FREM1: variants seen among roughly 807,000 people sequenced by gnomAD.
FREM1 encodes the protein FRAS1-related extracellular matrix protein 1.
Under a neutral mutation model 210.1 loss-of-function variants are expected in FREM1, and 220 were observed. The observed-to-expected ratio is 1.05, with a 90% CI of 0.94 to 1.17. The LOEUF (loss-of-function observed/expected upper bound fraction) is 1.17, where lower values mean the gene tolerates loss of function less well. Ranked by LOEUF, FREM1 falls within the 50% of genes most tolerant of loss-of-function variation. The pLI is 0.00. For missense variants in FREM1, 3,454 were observed against 2,675.5 expected (o/e 1.29, Z -6.42); for synonymous variants, 1,189 against 980.2 (o/e 1.21, Z -3.98).
At chr9:14,762,121 C>A (rs1845605143) in intron 27 of FREM1, among the ~76,000 whole-genome samples, 2 of 151,478 alleles carry the variant, frequency 1.3e-5, no homozygotes, top group South Asian at 4.2e-4. Context: ...AGATAACAAA[C>A]AACAAGGATA....
rs201154402 is a variant in FREM1, at chr9:14,846,032, C to T, written c.1321G>A (p.Asp441Asn). Residue 441 changes from aspartate to asparagine, a missense_variant, in exon 8 of 37, where the codon GAC (aspartate) becomes AAC (asparagine). Coordinates refer to ENST00000380880, the MANE Select transcript of FREM1 (RefSeq NM_001379081.2). ...CGGACAGCACCAATGTCGTCATTGT[C>T]GACAACCTGAAACTGTTCCCAAGTG... ...AITWEQFQVV[D>N]NDDIGAVRLV... 58 of 1,610,242 alleles carry T rather than the reference C, an allele frequency of 3.6e-5. No homozygotes were observed. Among genetic ancestry groups the T allele is most frequent in the Non-Finnish European group, 4.1e-5 (48 of 1,178,110 alleles).
chr9:14,760,446 C>G (rs778596354), intron 27 of FREM1, among the ~76,000 whole-genome samples: 12 of 152,234 alleles, frequency 7.9e-5, no homozygotes, highest in Admixed American at 1.3e-4. Context: ...TTATTTGTTT[C>G]TCTTTCTGTG....
Position 14,824,858 on chromosome 9 carries a change from T to C in FREM1, c.2016A>G (p.Glu672=), listed in dbSNP as rs766939693. The C allele has an allele frequency of 8.7e-6, 14 of 1,613,640 alleles. No individual in the cohort carries two copies. Among genetic ancestry groups the C allele is most frequent in the Non-Finnish European group, 8.5e-7 (1 of 1,179,700 alleles). Reference sequence around the variant, plus strand: ...TGTAGACCAGCTCCCTGTCATATGATTCTGAATCTATAAAATGTAGCTGTT... The same window carrying C: ...TGTAGACCAGCTCCCTGTCATATGACTCTGAATCTATAAAATGTAGCTGTT... ...TKKQLHFIDS[E]SYDRELVYTI... Residue 672 remains glutamate, a synonymous_variant, in exon 11 of 37, where the codon GAA becomes GAG. Coordinates refer to ENST00000380880, the MANE Select transcript of FREM1 (RefSeq NM_001379081.2).
intron 22 of FREM1, among the ~76,000 whole-genome samples, chr9:14,789,429 G>T (rs1723765810): frequency 6.6e-6 from 1 of 152,176 alleles, no homozygotes; most frequent in Non-Finnish European, 1.5e-5. Flanking sequence ...TTAATAAGAG[G>T]AGGTGGGTAA....
In FREM1 at chr9:14,808,066, G is replaced by A. The variant is rs751622552; in HGVS notation, c.2962C>T (p.Pro988Ser). The A allele has an allele frequency of 1.9e-6, 3 of 1,613,480 alleles. No individual in the cohort carries two copies. Among genetic ancestry groups the A allele is most frequent in the South Asian group, 1.1e-5 (1 of 90,982 alleles). ...TLVVSDGEAG[P>S]FVNGCCYNGP... ...TTGTAGCAACAGCCATTCACAAAAG[G>A]GCCAGCCTCTCCATCCGAAACCACC... Residue 988 changes from proline (P) to serine (S), a missense_variant, in exon 17 of 37, where the codon CCT (proline) becomes TCT (serine). Coordinates refer to ENST00000380880, the MANE Select transcript of FREM1 (RefSeq NM_001379081.2).
At chr9:14,810,721 A>C (rs545180174) in intron 16 of FREM1, among the ~76,000 whole-genome samples, 9 of 152,336 alleles carry the variant, frequency 5.9e-5, no homozygotes, top group African/African-American at 1.9e-4. Context: ...TTCAGGTGAT[A>C]ATCTAAATGA....
At chr9:14,743,966 AC>A (rs1322567743) in intron 35 of FREM1, among the ~76,000 whole-genome samples, 3 of 152,192 alleles carry the variant, frequency 2.0e-5, no homozygotes, top group Non-Finnish European at 4.4e-5. Flanking sequence ...TGTCATTTTA[AC>A]AGCTTAACCA....
intron 1 of FREM1, among the ~76,000 whole-genome samples, chr9:14,882,367 A>G (rs1300858612): frequency 6.6e-6 from 1 of 152,084 alleles, no homozygotes; most frequent in Non-Finnish European, 1.5e-5. Flanking sequence ...ATCTATTCTT[A>G]TGGCTCCCTG....
At chr9:14,766,702 C>G (rs148927534) in intron 27 of FREM1, among the ~76,000 whole-genome samples, 2 of 152,200 alleles carry the variant, frequency 1.3e-5, no homozygotes, top group Non-Finnish European at 2.9e-5. Flanking sequence ...AGGTCCATTT[C>G]TGTTCCAGAT....
chr9:14,880,398 G>A (rs1834573226), intron 1 of FREM1, among the ~76,000 whole-genome samples: 1 of 152,118 alleles, frequency 6.6e-6, no homozygotes, highest in Non-Finnish European at 1.5e-5. Flanking sequence ...GAAGTCAGGA[G>A]TTCGAGACCA....
chr9:14,896,037 AG>A (rs1837654488), intron 1 of FREM1, among the ~76,000 whole-genome samples: 1 of 152,178 alleles, frequency 6.6e-6, no homozygotes, highest in South Asian at 2.1e-4. Context: ...TCTTACTCAT[AG>A]GATGAGAGAG....
intron 10 of FREM1, among the ~76,000 whole-genome samples, chr9:14,835,708 G>A (rs550463861): frequency 2.6e-5 from 4 of 152,290 alleles, no homozygotes; most frequent in South Asian, 4.1e-4. Flanking sequence ...GTGAAACAGC[G>A]TTTCATCAAA....
chr9:14,813,136 G>A, intron 15 of FREM1, 72 bp from the exon 16 acceptor site: 1 of 1,444,536 alleles, frequency 6.9e-7, no homozygotes, highest in Non-Finnish European at 9.4e-7. Context: ...GTAATCCATT[G>A]CTCATAGTCA....
chr9:14,868,654 C>T, intron 2 of FREM1, 90 bp downstream of exon 2: 2 of 828,926 alleles, frequency 2.4e-6, no homozygotes, highest in Non-Finnish European at 2.0e-6. Context: ...TGAGGGGAGA[C>T]ATTTTACATC....
intron 10 of FREM1, among the ~76,000 whole-genome samples, chr9:14,830,216 G>C (rs1480186665): frequency 6.6e-6 from 1 of 152,208 alleles, no homozygotes; most frequent in Non-Finnish European, 1.5e-5. Context: ...AAGAAAGTCA[G>C]ATACCAGCTG....
intron 13 of FREM1, among the ~76,000 whole-genome samples, chr9:14,821,848 C>G (rs1821383279): frequency 6.6e-6 from 1 of 152,172 alleles, no homozygotes; most frequent in South Asian, 2.1e-4. Context: ...TAGGAATCAG[C>G]CTTGATGGAA....
Position 14,804,972 on chromosome 9 carries a change from AC to A in FREM1, c.3454del (p.Val1152Ter). The A allele has an allele frequency of 6.2e-7, 1 of 1,612,214 alleles. No individual in the cohort carries two copies. Among genetic ancestry groups the A allele is most frequent in the Non-Finnish European group, 8.5e-7 (1 of 1,178,234 alleles). ...NPTNDEAPDFVVQNITVCEGQ... is the reference protein window; with the variant it reads ...NPTNDEAPDFXVQNITVCEGQ... Reference sequence around the variant, plus strand: ...GTTTCTTACAGTAATATTCTGCACTACAAAGTCAGGAGCTTCATCATTTGTG... The same window carrying A: ...GTTTCTTACAGTAATATTCTGCACTAAAAGTCAGGAGCTTCATCATTTGTG... On this transcript the variant is annotated frameshift_variant, in exon 19 of 37. Transcript: ENST00000380880. LOFTEE classifies it high-confidence loss of function.
chr9:14,804,905 T>C, intron 19 of FREM1, 51 bp downstream of exon 19: 10 of 1,427,486 alleles, frequency 7.0e-6, no homozygotes, highest in East Asian at 2.3e-5. Context: ...TAATTGAAAA[T>C]AAAAATCAAA....
intron 3 of FREM1, among the ~76,000 whole-genome samples, chr9:14,863,515 C>T (rs1166148499): frequency 2.0e-5 from 3 of 151,780 alleles, no homozygotes; most frequent in African/African-American, 7.3e-5. Flanking sequence ...CATTTTCTAC[C>T]ATAAGTGGTG....
Sources: gnomAD v4.1 joint callset for allele counts (sites outside exome capture counted in the v4.1 genomes callset) on GRCh38, gnomAD v4.1.1 for gene constraint, MANE v1.5 for transcripts, NCBI Gene and HGNC (gene_info 2026-07-23, HGNC 2026-07-21) for gene names.